Variants in DLGAP2 observed in about 807,000 individuals in gnomAD.
DLGAP2 encodes the protein DLG associated protein 2, also known as disks large-associated protein 2.
In DLGAP2, 26 loss-of-function variants were observed where a neutral mutation model predicts 100.3. The observed-to-expected ratio is 0.26, with a 90% CI of 0.19 to 0.36. The LOEUF (loss-of-function observed/expected upper bound fraction) is 0.36. Among genes scored for constraint, DLGAP2 ranks in the 10% least tolerant of loss-of-function variants. DLGAP2 has a pLI of 1.00. For synonymous variants in DLGAP2, 886 were observed against 630.1 expected (o/e 1.41, Z -6.08); for missense variants, 1,858 against 1,453.2 (o/e 1.28, Z -4.53).
At chr8:1,414,702 C>G (rs1796830363) in intron 3 of DLGAP2, among the ~76,000 whole-genome samples, 1 of 152,200 alleles carries the variant, frequency 6.6e-6, no homozygotes, top group Non-Finnish European at 1.5e-5. Context: ...AAGCATGGAA[C>G]CTCCTGTTAA....
chr8:1,296,382 A>T (rs141952763), intron 3 of DLGAP2, among the ~76,000 whole-genome samples: 9 of 152,266 alleles, frequency 5.9e-5, no homozygotes, highest in Admixed American at 1.3e-4. Context: ...CGCTGGCTGC[A>T]TGTGCCTTGT....
Position 1,690,730 on chromosome 8 carries a change from T to G in DLGAP2, c.2705-805T>G, listed in dbSNP as rs921116818. The stretch of plus-strand genomic sequence containing the variant: ...AAAAAAAAAAAAAAAAAAAAAAAAA[T>G]TAGTATTTGATTAACCAAATAAAGT... On this transcript the variant is annotated intron_variant, in intron 12 of 14. Transcript: ENST00000637795. Among the ~76,000 whole-genome samples, 42 of 106,926 alleles carry G rather than the reference T, an allele frequency of 3.9e-4. 1 individual carries two copies. The highest frequency in any genetic ancestry group is 1.0e-4 in the Non-Finnish European group (5 of 50,222). 70.1% of individuals were successfully genotyped at this position (106,926 alleles called of 152,430 possible).
chr8:743,132 C>G (rs1030658121), intron 1 of DLGAP2, among the ~76,000 whole-genome samples: 2 of 151,916 alleles, frequency 1.3e-5, no homozygotes, highest in African/African-American at 4.8e-5. Flanking sequence ...AGTTTTGGAC[C>G]CAACTTAACC....
intron 6 of DLGAP2, among the ~76,000 whole-genome samples, chr8:1,625,430 G>A (rs2130766677): frequency 6.6e-6 from 1 of 152,298 alleles, no homozygotes; most frequent in East Asian, 1.9e-4. Flanking sequence ...TCACAAAACG[G>A]CGAGAAGGAA....
chr8:1,355,243 G>C (rs1296340191), intron 3 of DLGAP2, among the ~76,000 whole-genome samples: 1 of 152,288 alleles, frequency 6.6e-6, no homozygotes, highest in Non-Finnish European at 1.5e-5. Flanking sequence ...CTGCGTGCCA[G>C]TGTGCACAGC....
chr8:1,344,803 G>A (rs980059943), intron 3 of DLGAP2, among the ~76,000 whole-genome samples: 4 of 152,298 alleles, frequency 2.6e-5, no homozygotes, highest in East Asian at 3.9e-4. Flanking sequence ...AGGACTGGGC[G>A]TGTGTCTGAC....
intron 3 of DLGAP2, among the ~76,000 whole-genome samples, chr8:1,264,160 A>G (rs1369622400): frequency 7.1e-6 from 1 of 140,890 alleles, no homozygotes; most frequent in Admixed American, 6.8e-5. Flanking sequence ...TTGAGCTTGG[A>G]TGAAAACAAA....
In DLGAP2 at chr8:1,697,168, C is replaced by T; in HGVS notation, c.2818C>T (p.Pro940Ser). The T allele has an allele frequency of 6.3e-7, 1 of 1,598,992 alleles. No homozygotes were observed. Among genetic ancestry groups the T allele is most frequent in the Non-Finnish European group, 8.5e-7 (1 of 1,171,280 alleles). ...QNMDPSAMPR[P>S]TSQDLAGYWD... The stretch of plus-strand genomic sequence containing the variant: ...CCAGGACCCCAGCGCCATGCCGAGG[C>T]CGACGTCGCAGGACCTGGCCGGCTA... Residue 940 changes from proline to serine, a missense_variant, in exon 14 of 15, where the codon CCG (proline) becomes TCG (serine). Coordinates refer to ENST00000637795, the MANE Select transcript of DLGAP2 (RefSeq NM_001346810.2).
At chr8:971,536 G>A (rs1036418439) in intron 2 of DLGAP2, among the ~76,000 whole-genome samples, 5 of 152,224 alleles carry the variant, frequency 3.3e-5, no homozygotes, top group African/African-American at 1.2e-4. Context: ...AAACCACATT[G>A]TCAAAGTGCT....
At chr8:819,005 T>C (rs1420767623) in intron 1 of DLGAP2, among the ~76,000 whole-genome samples, 2 of 152,246 alleles carry the variant, frequency 1.3e-5, no homozygotes, top group East Asian at 1.9e-4. Context: ...GTAAACTCTT[T>C]AAAACCTTTT....
intron 2 of DLGAP2, among the ~76,000 whole-genome samples, chr8:973,802 GGGCTCGGGCCCGT>G (rs987235619): frequency 2.0e-5 from 3 of 151,266 alleles, no homozygotes; most frequent in Non-Finnish European, 4.4e-5. Context: ...CGCGAATCCG[GGGCTCGGGCCCGT>G]GGCCCCGCGG....
intron 2 of DLGAP2, among the ~76,000 whole-genome samples, chr8:1,249,761 C>A (rs757471841): frequency 6.6e-6 from 1 of 152,158 alleles, no homozygotes; most frequent in Admixed American, 6.6e-5. Flanking sequence ...CAGGGGTGGG[C>A]CATTTATTTT....
At chr8:1,580,112 C>A (rs1803167470) in intron 6 of DLGAP2, among the ~76,000 whole-genome samples, 1 of 152,166 alleles carries the variant, frequency 6.6e-6, no homozygotes, top group South Asian at 2.1e-4. Flanking sequence ...TTAGGAGACA[C>A]CGTAAAATTA....
intron 3 of DLGAP2, among the ~76,000 whole-genome samples, chr8:1,278,560 T>C (rs1195883286): frequency 1.3e-5 from 2 of 152,202 alleles, no homozygotes; most frequent in East Asian, 3.8e-4. Flanking sequence ...AAATCAGGTT[T>C]AGTAAAATTC....
chr8:1,331,903 G>A (rs1198703200), intron 3 of DLGAP2, among the ~76,000 whole-genome samples: 1 of 152,160 alleles, frequency 6.6e-6, no homozygotes, highest in Non-Finnish European at 1.5e-5. Flanking sequence ...CTGGGGTCAG[G>A]GAGCCATGTG....
At chr8:1,337,610 A>C (rs891708757) in intron 3 of DLGAP2, among the ~76,000 whole-genome samples, 8 of 75,324 alleles carry the variant, frequency 1.1e-4, no homozygotes, top group Non-Finnish European at 1.8e-4. Flanking sequence ...TCATTGATTC[A>C]TGCATTAATT....
At chr8:923,985 A>T (rs1798764853) in intron 2 of DLGAP2, among the ~76,000 whole-genome samples, 1 of 152,248 alleles carries the variant, frequency 6.6e-6, no homozygotes, top group African/African-American at 2.4e-5. Context: ...AAGTTAAATC[A>T]ATGATGCTGT....
chr8:1,096,419 C>A (rs1804368031), intron 2 of DLGAP2, among the ~76,000 whole-genome samples: 1 of 152,240 alleles, frequency 6.6e-6, no homozygotes, highest in South Asian at 2.1e-4. Flanking sequence ...GGAGAAGCAG[C>A]AGCACTCAAC....
chr8:1,440,804 A>C (rs1162582736), intron 3 of DLGAP2, among the ~76,000 whole-genome samples: 1 of 152,206 alleles, frequency 6.6e-6, no homozygotes, highest in Non-Finnish European at 1.5e-5. Flanking sequence ...CCAGCTTATG[A>C]GGACAAATGG....
Sources: gnomAD v4.1 joint callset for allele counts (sites outside exome capture counted in the v4.1 genomes callset) on GRCh38, gnomAD v4.1.1 for gene constraint, MANE v1.5 for transcripts, NCBI Gene and HGNC (gene_info 2026-07-23, HGNC 2026-07-21) for gene names.